Variants in CSMD1 observed in about 807,000 individuals in gnomAD.
CSMD1 encodes CUB and Sushi multiple domains 1, also known as CUB and sushi domain-containing protein 1.
A neutral mutation model predicts 417.5 loss-of-function variants in CSMD1; 213 were observed. The ratio of observed to expected loss-of-function variants is 0.51; its 90% confidence interval spans 0.46 to 0.57. The LOEUF (loss-of-function observed/expected upper bound fraction) is 0.57, where lower values mean the gene tolerates loss of function less well. Among genes scored for constraint, CSMD1 ranks in the 20% least tolerant of loss-of-function variants. CSMD1 has a pLI of 0.00. For synonymous variants in CSMD1, 2,862 were observed against 1,736.8 expected, an observed-to-expected ratio of 1.65 and a Z score of -16.11; for missense variants, 6,923 against 4,529.7, an observed-to-expected ratio of 1.53 and a Z score of -15.17.
chr8:4,654,635 G>A (rs1173832062), intron 1 of CSMD1, among the ~76,000 whole-genome samples: 2 of 152,138 alleles, frequency 1.3e-5, no homozygotes, highest in African/African-American at 2.4e-5. Context: ...TAAAATGGTT[G>A]AAGTCAGCTT....
intron 11 of CSMD1, among the ~76,000 whole-genome samples, chr8:3,474,040 A>C (rs1300847608): frequency 6.6e-6 from 1 of 151,874 alleles, no homozygotes; most frequent in African/African-American, 2.4e-5. Context: ...TGATCCAAAC[A>C]CCTCCCTCAA....
intron 12 of CSMD1, among the ~76,000 whole-genome samples, chr8:3,428,425 G>C (rs982405447): frequency 3.3e-5 from 5 of 152,082 alleles, no homozygotes; most frequent in East Asian, 3.9e-4. Context: ...CACGAGAAAC[G>C]AAACTGTCAA....
At chr8:4,948,852 G>A (rs1375732482) in intron 1 of CSMD1, among the ~76,000 whole-genome samples, 2 of 151,968 alleles carry the variant, frequency 1.3e-5, no homozygotes, top group Non-Finnish European at 2.9e-5. Context: ...AAAAGGTTAT[G>A]GTGTGAATCT....
intron 3 of CSMD1, among the ~76,000 whole-genome samples, chr8:4,300,399 A>AG (rs1377592768): frequency 1.3e-5 from 2 of 152,214 alleles, no homozygotes; most frequent in Non-Finnish European, 2.9e-5. Flanking sequence ...ATCAACCTCA[A>AG]GACACTTTTG....
chr8:4,712,344 GA>G (rs1808360417), intron 1 of CSMD1, among the ~76,000 whole-genome samples: 1 of 152,134 alleles, frequency 6.6e-6, no homozygotes, highest in Non-Finnish European at 1.5e-5. Flanking sequence ...TTCCAGAACG[GA>G]AAACCCTTTG....
intron 2 of CSMD1, among the ~76,000 whole-genome samples, chr8:4,438,156 A>G (rs1413879689): frequency 1.3e-5 from 2 of 152,146 alleles, no homozygotes; most frequent in African/African-American, 4.8e-5. Flanking sequence ...TTCCTGATTT[A>G]GATATTGCTG....
chr8:4,464,746 T>G (rs1017049415), intron 2 of CSMD1, among the ~76,000 whole-genome samples: 2 of 152,170 alleles, frequency 1.3e-5, no homozygotes, highest in African/African-American at 2.4e-5. Context: ...CAGCATCCGT[T>G]GCTTTAAGGC....
At chr8:3,716,733 C>G (rs891509812) in intron 6 of CSMD1, among the ~76,000 whole-genome samples, 3 of 152,130 alleles carry the variant, frequency 2.0e-5, no homozygotes, top group African/African-American at 7.2e-5. Flanking sequence ...AGCCCCTATT[C>G]AAGATGGAGT....
At chr8:4,192,860 A>C (rs1375355827) in intron 3 of CSMD1, among the ~76,000 whole-genome samples, 1 of 152,188 alleles carries the variant, frequency 6.6e-6, no homozygotes, top group Non-Finnish European at 1.5e-5. Context: ...ATGTTCCTGT[A>C]TTCTGTCCTT....
At chr8:4,244,720 AC>A (rs1802599788) in intron 3 of CSMD1, among the ~76,000 whole-genome samples, 1 of 152,160 alleles carries the variant, frequency 6.6e-6, no homozygotes, top group Admixed American at 6.6e-5. Context: ...AAACTCAGTT[AC>A]CTCAATGGAA....
chr8:4,061,177 A>G (rs896681471), intron 3 of CSMD1, among the ~76,000 whole-genome samples: 2 of 152,170 alleles, frequency 1.3e-5, no homozygotes, highest in Non-Finnish European at 2.9e-5. Flanking sequence ...AAAATCCCTC[A>G]GCTGCAGTTC....
At chr8:4,888,245 G>A (rs1320956538) in intron 1 of CSMD1, among the ~76,000 whole-genome samples, 1 of 151,830 alleles carries the variant, frequency 6.6e-6, no homozygotes, top group Non-Finnish European at 1.5e-5. Flanking sequence ...CTATATTTAG[G>A]AATCGATAAG....
intron 5 of CSMD1, among the ~76,000 whole-genome samples, chr8:3,858,734 C>G (rs117608867): frequency 0.037 from 5,629 of 151,888 alleles, 110 homozygotes; most frequent in Middle Eastern, 0.071. Flanking sequence ...ATTACATTTT[C>G]AAAATAACTT....
At chr8:3,359,711 T>C (rs925422744) in intron 20 of CSMD1, among the ~76,000 whole-genome samples, 1 of 152,102 alleles carries the variant, frequency 6.6e-6, no homozygotes, top group African/African-American at 2.4e-5. Flanking sequence ...TGAGTAATAA[T>C]ACAGTGTACA....
intron 3 of CSMD1, among the ~76,000 whole-genome samples, chr8:4,124,985 C>T (rs1357394637): frequency 2.0e-5 from 3 of 151,234 alleles, no homozygotes; most frequent in Non-Finnish European, 4.4e-5. Context: ...GTCGCTTTTG[C>T]TTTCCTTTCA....
intron 1 of CSMD1, among the ~76,000 whole-genome samples, chr8:4,911,567 T>C (rs572780358): frequency 6.6e-4 from 100 of 152,318 alleles, no homozygotes; most frequent in Admixed American, 2.5e-3. Context: ...ATACCTGCCC[T>C]CTACCTGCAT....
chr8:3,901,437 C>T (rs1213935533), intron 5 of CSMD1, among the ~76,000 whole-genome samples: 1 of 152,146 alleles, frequency 6.6e-6, no homozygotes, highest in Admixed American at 6.5e-5. Flanking sequence ...ATTTTTTGGT[C>T]TTACTCTAAT....
rs6991036 is a variant in CSMD1, at chr8:3,445,528, T to G, written c.1561+23184A>C. On this transcript the variant is annotated intron_variant, in intron 12 of 69. Transcript: ENST00000635120. ...GCTGCAATGTGCACAACTCTTTTCA[T>G]TACACATTTTTTTTTAATAGAACAG... Among the ~76,000 whole-genome samples, 1,246 of 152,136 alleles carry G rather than the reference T, an allele frequency of 8.2e-3. 10 individuals are homozygous for G. The highest frequency in any genetic ancestry group is 0.028 in the African/African-American group (1,161 of 41,540).
At chr8:3,572,689 G>A (rs1420962459) in intron 10 of CSMD1, among the ~76,000 whole-genome samples, 4 of 152,112 alleles carry the variant, frequency 2.6e-5, no homozygotes, top group African/African-American at 9.7e-5. Context: ...TTTTGAAAAT[G>A]TCGCAATGGG....
Sources: allele counts gnomAD v4.1 joint callset (sites outside exome capture counted in the v4.1 genomes callset), GRCh38; gene constraint gnomAD v4.1.1; transcripts MANE v1.5; gene names NCBI Gene and HGNC (gene_info 2026-07-23, HGNC 2026-07-21).